Variants in APC observed in about 807,000 individuals in gnomAD.
APC encodes the protein APC regulator of Wnt signaling pathway, also known as adenomatous polyposis coli protein.
In APC, 72 loss-of-function variants were observed where a neutral mutation model predicts 247.0. That is an observed-to-expected ratio of 0.29 (90% CI 0.24 to 0.35). The LOEUF is 0.35. Among genes scored for constraint, APC ranks in the 10% least tolerant of loss-of-function variants. The pLI is 1.00. For synonymous variants in APC, 1,254 were observed against 1,162.5 expected (o/e 1.08, Z -1.60); for missense variants, 3,400 against 3,360.7 (o/e 1.01, Z -0.29).
intron 10 of APC, among the ~76,000 whole-genome samples, chr5:112,820,925 G>A (rs116506255): frequency 1.8e-4 from 27 of 151,962 alleles, no homozygotes; most frequent in Non-Finnish European, 3.2e-4. Flanking sequence ...GCAGTGGTGC[G>A]ATCACAGTTC....
intron 6 of APC, among the ~76,000 whole-genome samples, chr5:112,784,363 C>T (rs1430854620): frequency 1.3e-5 from 2 of 152,216 alleles, no homozygotes; most frequent in Non-Finnish European, 2.9e-5. Flanking sequence ...CCACTGCACC[C>T]AGCCAACATT....
At chr5:112,762,579 AAGTG>A (rs1413235280) in intron 2 of APC, among the ~76,000 whole-genome samples, 1 of 152,226 alleles carries the variant, frequency 6.6e-6, no homozygotes. Context: ...TGAACAAAAA[AAGTG>A]AGACACAAAA....
intron 8 of APC, among the ~76,000 whole-genome samples, chr5:112,807,642 A>G (rs1761550822): frequency 6.6e-6 from 1 of 151,976 alleles, no homozygotes; most frequent in Non-Finnish European, 1.5e-5. Flanking sequence ...TGGGAAAAAG[A>G]TGGAATGATA....
intron 1 of APC, among the ~76,000 whole-genome samples, chr5:112,747,231 C>T (rs1753789500): frequency 8.9e-6 from 1 of 111,946 alleles, no homozygotes. Context: ...GGCATAGGAC[C>T]TTTTTCTTGA....
In APC at chr5:112,707,587, G is replaced by T. The variant is rs572582235; in HGVS notation, c.-131G>T. ...CCGCCGGAAGCCTAGCCGCTGCTCG[G>T]GGGGGACCTGCGGGCTCAGGCCCGG... is the stretch of plus-strand genomic sequence containing the variant. On this transcript the variant is annotated 5_prime_UTR_variant, in exon 1 of 14. Coordinates refer to the APC transcript ENST00000507379. 6.6e-4 allele frequency: 657 copies of T among 997,892 alleles called. 2 individuals are homozygous for T. The highest frequency in any genetic ancestry group is 2.5e-3 in the African/African-American group (158 of 62,238). The allele number at this position is 997,892 out of a possible 1,614,324, so 61.8% of individuals were successfully genotyped here.
chr5:112,722,482 A>G (rs1200860063), intron 1 of APC, among the ~76,000 whole-genome samples: 1 of 152,066 alleles, frequency 6.6e-6, no homozygotes, highest in Non-Finnish European at 1.5e-5. Flanking sequence ...GTGTCCTCCA[A>G]TTCATTTCCC....
Position 112,840,063 on chromosome 5 carries a change from A to G in APC, c.4469A>G (p.His1490Arg), listed in dbSNP as rs1408228956. 2.5e-6 allele frequency: 4 copies of G among 1,613,934 alleles called. No homozygotes were observed. The highest frequency in any genetic ancestry group is 3.4e-6 in the Non-Finnish European group (4 of 1,179,994). ...QVLPDADTLL[H>R]FATESTPDGF... The stretch of plus-strand genomic sequence containing the variant: ...CTTCCAGATGCTGATACTTTATTAC[A>G]TTTTGCCACGGAAAGTACTCCAGAT... Residue 1490 changes from histidine to arginine, a missense_variant, in exon 16 of 16, where the codon CAT becomes CGT. Physicochemically the swap from His to Arg is conservative, Grantham distance 29 (BLOSUM62 0). This residue lies in a region of APC where 1,788 missense variants were observed against 1,649.5 expected (regional missense o/e 1.08). Transcript: ENST00000257430. The surrounding 1 kb of genome is among the most constrained non-coding windows in gnomAD (Gnocchi z 4.1).
chr5:112,756,086 C>G (rs1280001042), intron 2 of APC, among the ~76,000 whole-genome samples: 1 of 152,072 alleles, frequency 6.6e-6, no homozygotes, highest in African/African-American at 2.4e-5. Context: ...TACTAATTTC[C>G]TATTCTATCC....
At chr5:112,826,858 C>T (rs540335858) in intron 11 of APC, among the ~76,000 whole-genome samples, 12 of 152,156 alleles carry the variant, frequency 7.9e-5, no homozygotes, top group Non-Finnish European at 1.6e-4. Flanking sequence ...ATAATTATTT[C>T]GCTCAGCAAG....
At chr5:112,781,899 G>A (rs1353416521) in intron 6 of APC, among the ~76,000 whole-genome samples, 10 of 151,992 alleles carry the variant, frequency 6.6e-5, no homozygotes, top group Admixed American at 2.6e-4. Flanking sequence ...GATTACAGGC[G>A]TGCGCCACCA....
chr5:112,744,226 A>G (rs1753379804), intron 1 of APC, among the ~76,000 whole-genome samples: 3 of 152,130 alleles, frequency 2.0e-5, no homozygotes, highest in African/African-American at 7.2e-5. Flanking sequence ...AGATACCTAA[A>G]TATGGTACCT....
chr5:112,790,131 A>T (rs1759409190), intron 6 of APC, among the ~76,000 whole-genome samples: 1 of 152,110 alleles, frequency 6.6e-6, no homozygotes, highest in Admixed American at 6.6e-5. Context: ...GTGTGCCGGG[A>T]TTACAGGCCT....
intron 9 of APC, among the ~76,000 whole-genome samples, chr5:112,816,246 C>T (rs1011686775): frequency 6.6e-6 from 1 of 152,206 alleles, no homozygotes; most frequent in Admixed American, 6.5e-5. Flanking sequence ...CTTACCTCCC[C>T]ATGTGATCCA....
In APC at chr5:112,837,953, A is replaced by G. The variant is rs748075979; in HGVS notation, c.2359A>G (p.Ser787Gly). The G allele has an allele frequency of 2.5e-6, 4 of 1,614,046 alleles. No homozygotes were observed. In the African/African-American group the frequency reaches 5.3e-5, roughly 22 times the overall value. The change falls in exon 16 of 16, where the codon AGT becomes GGT. Residue 787 changes from serine (S) to glycine (G), a missense_variant. Physicochemically the swap from Ser to Gly is moderately conservative, Grantham distance 56 (BLOSUM62 0). This residue lies in a region of APC where 91 missense variants were observed against 103.3 expected (regional missense o/e 0.88). Coordinates refer to ENST00000257430, the MANE Select transcript of APC (RefSeq NM_000038.6). ...TTTAAGTCCCAAGGCATCTCATCGT[A>G]GTAAGCAGAGACACAAGCAAAGTCT... ...DNLSPKASHR[S>G]KQRHKQSLYG...
At chr5:112,722,332 A>G (rs1357031612) in intron 1 of APC, among the ~76,000 whole-genome samples, 1 of 152,204 alleles carries the variant, frequency 6.6e-6, no homozygotes, top group Admixed American at 6.5e-5. Context: ...CTCTTGCACC[A>G]CCACAACAAT....
At chr5:112,779,223 G>C (rs1164956704) in intron 5 of APC, among the ~76,000 whole-genome samples, 4 of 152,056 alleles carry the variant, frequency 2.6e-5, no homozygotes, top group Non-Finnish European at 5.9e-5. Flanking sequence ...GGATTTGTTG[G>C]GACTATAACT....
rs75919833 is a variant in APC at position 112,786,123 on chromosome 5, G to T, written c.645+5220G>T. ...GTTCAGAGAGGGGGTTTTGCTGGTT[G>T]CCCAGGCTGTAGTGCAGTGGCCATT... On this transcript the variant is annotated intron_variant, in intron 6 of 15. Transcript: ENST00000257430. Among the ~76,000 whole-genome samples, 1 of 152,126 alleles carries T rather than the reference G, an allele frequency of 6.6e-6. No homozygotes were observed. Among genetic ancestry groups the T allele is most frequent in the Non-Finnish European group, 1.5e-5 (1 of 68,012 alleles).
chr5:112,776,604 G>T (rs1463991826), intron 5 of APC, among the ~76,000 whole-genome samples: 1 of 152,178 alleles, frequency 6.6e-6, no homozygotes, highest in Non-Finnish European at 1.5e-5. Flanking sequence ...TTGGGAGGCT[G>T]AGAAAGGTGG....
In APC at chr5:112,819,167, G is replaced by T. The variant is rs1580529673; in HGVS notation, c.1135G>T (p.Ala379Ser). ...LLGNSRGSKE[A>S]RARASAALHN... ...GGGAAATTCCCGGGGCAGTAAAGAGGCTCGGGCCAGGGCCAGTGCAGCACT... is the reference window on the plus strand; with the variant it reads ...GGGAAATTCCCGGGGCAGTAAAGAGTCTCGGGCCAGGGCCAGTGCAGCACT... Residue 379 changes from alanine (A) to serine (S), a missense_variant, in exon 10 of 16, where the codon GCT (alanine) becomes TCT (serine). This residue lies in a region of APC where 199 missense variants were observed against 212.5 expected (regional missense o/e 0.94). Coordinates refer to ENST00000257430, the MANE Select transcript of APC (RefSeq NM_000038.6). 4 of 1,613,870 alleles carry T rather than the reference G, an allele frequency of 2.5e-6. No homozygotes were observed. The highest frequency in any genetic ancestry group is 3.4e-6 in the Non-Finnish European group (4 of 1,179,990).
Sources: allele counts gnomAD v4.1 joint callset (sites outside exome capture counted in the v4.1 genomes callset), GRCh38; gene constraint gnomAD v4.1.1; regional missense constraint gnomAD v4.1.1; non-coding constraint Gnocchi (gnomAD v3.1); transcripts MANE v1.5; gene names NCBI Gene and HGNC (gene_info 2026-07-23, HGNC 2026-07-21).